The following HERC2 variants were observed in gnomAD, a reference collection of about 807,000 sequenced individuals.
HERC2 encodes the protein HECT and RLD domain containing E3 ubiquitin protein ligase 2.
In HERC2, 102 loss-of-function variants were observed where a neutral mutation model predicts 537.7. That is an observed-to-expected ratio of 0.19 (90% CI 0.16 to 0.22). HERC2 has a LOEUF of 0.22. HERC2 is among the 10% of genes least tolerant of loss of function. The pLI, the probability that HERC2 is intolerant of heterozygous loss-of-function variation, is 1.00. For synonymous variants in HERC2, 2,224 were observed against 2,466.2 expected, an observed-to-expected ratio of 0.90 and a Z score of 2.91; for missense variants, 4,236 against 6,198.2, an observed-to-expected ratio of 0.68 and a Z score of 10.63.
rs760982129 is a variant in HERC2 at position 28,166,572 on chromosome 15, G to A, written c.10554+1115C>T. 9.2e-5 allele frequency among the ~76,000 whole-genome samples: 14 copies of A among 152,308 alleles called. 1 individual carries two copies. The Middle Eastern group carries it at 0.01, about 111-fold the overall frequency. Reference sequence around the variant, plus strand: ...AGGAACCATGGCTTCTTGAAGAAATGGCTGATTCCAGGCAGGGGGAGGGTA... The same window carrying A: ...AGGAACCATGGCTTCTTGAAGAAATAGCTGATTCCAGGCAGGGGGAGGGTA... On this transcript the variant is annotated intron_variant, in intron 68 of 92. Coordinates refer to ENST00000261609, the MANE Select transcript of HERC2 (RefSeq NM_004667.6).
chr15:28,119,515 A>G (rs1037823824), intron 86 of HERC2, among the ~76,000 whole-genome samples: 4 of 146,700 alleles, frequency 2.7e-5, no homozygotes, highest in African/African-American at 1.0e-4. Context: ...GTACGCTGGT[A>G]TGATCTCGGC....
chr15:28,314,200 G>C (rs1204235202), intron 2 of HERC2, among the ~76,000 whole-genome samples: 1 of 151,562 alleles, frequency 6.6e-6, no homozygotes, highest in Non-Finnish European at 1.5e-5. Context: ...AAAGATACAA[G>C]ACCACATCAT....
At chr15:28,238,337 A>G in intron 24 of HERC2, 120 bp from the exon 25 acceptor site, 3 of 846,526 alleles carry the variant, frequency 3.5e-6, no homozygotes, top group South Asian at 1.4e-5. Context: ...TTACCAGAGT[A>G]TAATGACCTT....
chr15:28,220,177 G>T lies in HERC2; in HGVS notation c.5845+275C>A, dbSNP rs573615451. 1.1e-3 allele frequency among the ~76,000 whole-genome samples: 172 copies of T among 152,264 alleles called. 1 individual carries two copies. The highest frequency in any genetic ancestry group is 4.1e-3 in the African/African-American group (170 of 41,532). ...GACTCACTGGTGGTGCAGCTGCCCC[G>T]GCCTGGCCACCACATTCTCAAAGAG... On this transcript the variant is annotated intron_variant, in intron 37 of 92. Transcript: ENST00000261609.
At position 28,124,025 on chromosome 15, in the gene HERC2, C is replaced by A; in HGVS notation, c.13188+12G>T. On this transcript the variant is annotated intron_variant, in intron 85 of 92. Coordinates refer to ENST00000261609, the MANE Select transcript of HERC2 (RefSeq NM_004667.6). The stretch of plus-strand genomic sequence containing the variant: ...CCAGTTTCCCCTAGAGCAAAGATTG[C>A]CACTTGAATACCTTTCCCTGGGATA... The A allele has an allele frequency of 6.4e-7, 1 of 1,560,788 alleles. No individual in the cohort carries two copies. Among genetic ancestry groups the A allele is most frequent in the Non-Finnish European group, 8.7e-7 (1 of 1,150,806 alleles).
At chr15:28,274,863 G>A (rs890806710) in intron 6 of HERC2, 42 bp downstream of exon 6, 2 of 1,458,948 alleles carry the variant, frequency 1.4e-6, no homozygotes, top group Non-Finnish European at 9.6e-7. Context: ...GTCTGTTGAT[G>A]TATTAGGGAA....
intron 81 of HERC2, among the ~76,000 whole-genome samples, chr15:28,131,407 G>T (rs1229997488): frequency 1.3e-5 from 2 of 152,184 alleles, no homozygotes; most frequent in African/African-American, 4.8e-5. Context: ...GCAGAGACAG[G>T]TTCGCAGCAA....
intron 19 of HERC2, among the ~76,000 whole-genome samples, chr15:28,254,834 GC>G (rs1160499652): frequency 6.6e-6 from 1 of 152,214 alleles, no homozygotes; most frequent in African/African-American, 2.4e-5. Flanking sequence ...CCCCACACAT[GC>G]AACATCCAGC....
At chr15:28,288,801 T>C (rs1304502782) in intron 4 of HERC2, among the ~76,000 whole-genome samples, 1 of 151,050 alleles carries the variant, frequency 6.6e-6, no homozygotes, top group East Asian at 1.9e-4. Flanking sequence ...TGAGCTGAGA[T>C]TGTGCCATTA....
intron 19 of HERC2, 57 bp downstream of exon 19, chr15:28,255,815 G>C: frequency 6.4e-7 from 1 of 1,551,236 alleles, no homozygotes; most frequent in Admixed American, 1.7e-5. Context: ...ACGTGTGTGA[G>C]TGTGGTATTT....
Position 28,124,201 on chromosome 15 carries a change from G to A in HERC2, c.13024C>T (p.Pro4342Ser). 1 of 1,537,766 alleles carries A rather than the reference G, an allele frequency of 6.5e-7. No homozygotes were observed. Among genetic ancestry groups the A allele is most frequent in the Non-Finnish European group, 8.8e-7 (1 of 1,138,208 alleles). Residue 4342 changes from proline (P) to serine (S), a missense_variant, in exon 85 of 93, where the codon CCC becomes TCC. By Grantham distance (74) the Pro-to-Ser change is moderately conservative. Transcript: ENST00000261609. ...AGACGGTTCCTCAGCGCAATGATGG[G>A]GATCTCCTGCAGGTGATTGTACTCC... is the stretch of plus-strand genomic sequence containing the variant. Reference protein sequence around the residue: ...PMEYNHLQEIPIIALRNRLLL... With the variant: ...PMEYNHLQEISIIALRNRLLL...
At chr15:28,260,714 TG>T in intron 16 of HERC2, 62 bp downstream of exon 16, 1 of 1,353,308 alleles carries the variant, frequency 7.4e-7, no homozygotes, top group Non-Finnish European at 1.0e-6. Context: ...TTCTACATAC[TG>T]GTAATGAACA....
At chr15:28,162,912 A>G (rs1401190937) in intron 69 of HERC2, among the ~76,000 whole-genome samples, 182 bp downstream of exon 69, 1 of 152,206 alleles carries the variant, frequency 6.6e-6, no homozygotes, top group Non-Finnish European at 1.5e-5. Flanking sequence ...AAACAGGTAA[A>G]GGATGTCACT....
At chr15:28,225,454 T>C (rs1360143364) in intron 35 of HERC2, among the ~76,000 whole-genome samples, 1 of 151,696 alleles carries the variant, frequency 6.6e-6, no homozygotes, top group Non-Finnish European at 1.5e-5. Context: ...TCCCAGCACT[T>C]TGGGGAGCTG....
intron 74 of HERC2, 121 bp downstream of exon 74, chr15:28,143,752 C>T (rs1395587776): frequency 6.9e-6 from 9 of 1,311,014 alleles, no homozygotes; most frequent in Admixed American, 6.0e-5. Flanking sequence ...GGTCCAAGGC[C>T]TCCTTATTCT....
chr15:28,267,652 G>A (rs577851861), intron 12 of HERC2, among the ~76,000 whole-genome samples: 29 of 152,342 alleles, frequency 1.9e-4, no homozygotes, highest in Non-Finnish European at 3.4e-4. Flanking sequence ...TGTACCACAC[G>A]ATACGCATTA....
intron 78 of HERC2, among the ~76,000 whole-genome samples, chr15:28,137,613 C>T (rs117219845): frequency 0.055 from 8,421 of 152,258 alleles, 447 homozygotes; most frequent in East Asian, 0.28. Flanking sequence ...CCATAGAAGA[C>T]GGTGAACTTA....
At chr15:28,154,476 T>C (rs1566950253) in intron 69 of HERC2, among the ~76,000 whole-genome samples, 1 of 152,178 alleles carries the variant, frequency 6.6e-6, no homozygotes, top group Non-Finnish European at 1.5e-5. Context: ...GCTGAGTAAC[T>C]GAAAGCAGAT....
intron 9 of HERC2, 56 bp downstream of exon 9, chr15:28,272,159 T>TAA: frequency 6.8e-7 from 1 of 1,481,328 alleles, no homozygotes; most frequent in East Asian, 2.3e-5. Flanking sequence ...AGTCTTGCTT[T>TAA]AAAAGTAACT....
Sources: allele counts gnomAD v4.1 joint callset (sites outside exome capture counted in the v4.1 genomes callset), GRCh38; gene constraint gnomAD v4.1.1; transcripts MANE v1.5; gene names NCBI Gene and HGNC (gene_info 2026-07-23, HGNC 2026-07-21).